Variants in TMPRSS7 observed in about 807,000 individuals in gnomAD.
TMPRSS7 encodes the protein transmembrane protease serine 7.
TMPRSS7 carries 81 observed loss-of-function variants against 95.6 expected under a neutral mutation model. The observed-to-expected ratio is 0.85, with a 90% CI of 0.71 to 1.02. The LOEUF is 1.02. TMPRSS7 is among the 50% of genes least tolerant of loss of function. TMPRSS7 has a pLI of 0.00. For missense variants in TMPRSS7, 945 were observed against 955.2 expected, an observed-to-expected ratio of 0.99 and a Z score of 0.14; for synonymous variants, 364 against 337.8, an observed-to-expected ratio of 1.08 and a Z score of -0.85.
At chr3:112,050,085 T>C in intron 8 of TMPRSS7, 111 bp downstream of exon 8, 1 of 1,096,620 alleles carries the variant, frequency 9.1e-7, no homozygotes, top group Non-Finnish European at 1.2e-6. Flanking sequence ...AGTCTGGGAC[T>C]CTGAATAAAG....
At chr3:112,046,049 C>A (rs562996735) in intron 5 of TMPRSS7, 106 bp downstream of exon 5, 2 of 990,952 alleles carry the variant, frequency 2.0e-6, no homozygotes, top group Admixed American at 5.9e-5. Flanking sequence ...TGGGATTACC[C>A]CACAATCCCA....
At chr3:112,059,359 G>C (rs73853296) in intron 10 of TMPRSS7, among the ~76,000 whole-genome samples, 6,489 of 152,016 alleles carry the variant, frequency 0.043, 422 homozygotes, top group African/African-American at 0.14. Flanking sequence ...TGGCTTTCTC[G>C]TGTTTCTCAG....
intron 13 of TMPRSS7, among the ~76,000 whole-genome samples, chr3:112,068,319 G>A (rs909720784): frequency 6.6e-6 from 1 of 152,126 alleles, no homozygotes; most frequent in Non-Finnish European, 1.5e-5. Context: ...CTCTTTTTTG[G>A]TTCCATATGA....
At chr3:112,068,734 G>A (rs1367669464) in intron 13 of TMPRSS7, among the ~76,000 whole-genome samples, 2 of 152,152 alleles carry the variant, frequency 1.3e-5, no homozygotes, top group Non-Finnish European at 2.9e-5. Flanking sequence ...TGAGATGATG[G>A]GGTTTTCTAA....
chr3:112,075,392 T>C, exon 15 of TMPRSS7: 2 of 1,537,708 alleles, frequency 1.3e-6, no homozygotes, highest in Non-Finnish European at 1.8e-6. Context: ...GGGTTGGCCG[T>C]GGCAGGTCAG....
intron 7 of TMPRSS7, among the ~76,000 whole-genome samples, chr3:112,049,392 G>A (rs901985948): frequency 6.6e-6 from 1 of 152,142 alleles, no homozygotes. Flanking sequence ...AAAATGCCAA[G>A]GACCTGGACA....
exon 18 of TMPRSS7, chr3:112,081,045 T>G: frequency 1.2e-6 from 2 of 1,612,528 alleles, no homozygotes; most frequent in Non-Finnish European, 1.7e-6. Context: ...TGTCAAACTT[T>G]GTTCCCTGGA....
exon 8 of TMPRSS7, chr3:112,049,917 C>G (rs1460011435): frequency 6.4e-7 from 1 of 1,568,336 alleles, no homozygotes; most frequent in African/African-American, 1.3e-5. Flanking sequence ...ATTTAAGTCT[C>G]CTCATATACG....
Position 112,063,711 on chromosome 3 carries a change from C to T in TMPRSS7, c.1555+79C>T, listed in dbSNP as rs1048865007. 5.8e-6 allele frequency: 7 copies of T among 1,205,526 alleles called. No individual in the cohort carries two copies. The African/African-American group carries it at 1.1e-4, about 18-fold the overall frequency. The allele number at this position is 1,205,526 out of a possible 1,614,324, so 74.7% of individuals were successfully genotyped here. A position where few individuals can be genotyped will look rare whatever the true frequency, so the allele number is the denominator to read the frequency against. ...ACCATGATTGCTGCTGATATATATC[C>T]TTAGTATTTGTAGTTATTATCTATT... On this transcript the variant is annotated intron_variant, in intron 12 of 17. Transcript: ENST00000452346.
At position 112,066,512 on chromosome 3, in the gene TMPRSS7, A is replaced by C; in HGVS notation, c.1666+10A>C. 6.2e-7 allele frequency: 1 copy of C among 1,610,376 alleles called. No individual in the cohort carries two copies. On this transcript the variant is annotated intron_variant, in intron 13 of 17. Transcript: ENST00000452346. ...CAAAACTGCACTCAAAGTGAGGGAG[A>C]GTCCTCTGTGCCCTGCTGTTCCTCC...
chr3:112,073,185 G>A (rs527331565), intron 13 of TMPRSS7, among the ~76,000 whole-genome samples: 72 of 150,268 alleles, frequency 4.8e-4, no homozygotes, highest in Middle Eastern at 3.5e-3. Flanking sequence ...TCCACCTCCC[G>A]GGTTCAAGCA....
intron 17 of TMPRSS7, among the ~76,000 whole-genome samples, chr3:112,079,418 T>A (rs1236886243): frequency 6.6e-6 from 1 of 152,194 alleles, no homozygotes; most frequent in Non-Finnish European, 1.5e-5. Context: ...AAATAGATGA[T>A]TTAGAGCAAA....
At chr3:112,040,874 C>T (rs1211249805) in intron 2 of TMPRSS7, among the ~76,000 whole-genome samples, 1 of 152,088 alleles carries the variant, frequency 6.6e-6, no homozygotes, top group Non-Finnish European at 1.5e-5. Flanking sequence ...GACAGAGAAA[C>T]AGGTAAACAG....
chr3:112,054,982 G>A (rs1007650957), intron 9 of TMPRSS7, among the ~76,000 whole-genome samples: 1 of 151,870 alleles, frequency 6.6e-6, no homozygotes, highest in Non-Finnish European at 1.5e-5. Flanking sequence ...GTCGTGATCC[G>A]CCCTCCTGGG....
intron 13 of TMPRSS7, among the ~76,000 whole-genome samples, chr3:112,072,734 G>A (rs547130485): frequency 2.6e-5 from 4 of 152,364 alleles, no homozygotes; most frequent in African/African-American, 9.6e-5. Flanking sequence ...AGACTGCTGC[G>A]CTAGCAGTGA....
intron 13 of TMPRSS7, among the ~76,000 whole-genome samples, chr3:112,073,952 A>G (rs2073682309): frequency 6.6e-6 from 1 of 152,204 alleles, no homozygotes; most frequent in Non-Finnish European, 1.5e-5. Flanking sequence ...TTTTTGCTCA[A>G]AAGTTTTCTT....
intron 3 of TMPRSS7, chr3:112,043,054 C>G (rs758491961): frequency 4.4e-6 from 2 of 456,002 alleles, no homozygotes; most frequent in South Asian, 3.1e-5. Flanking sequence ...TGAATGCCTG[C>G]TATATACTGG....
intron 13 of TMPRSS7, among the ~76,000 whole-genome samples, chr3:112,071,216 G>C (rs1053504348): frequency 3.9e-5 from 6 of 152,138 alleles, no homozygotes; most frequent in Non-Finnish European, 8.8e-5. Context: ...GCTTAGTTTG[G>C]CTGGATATGA....
At chr3:112,037,705 C>T (rs149228432) in intron 1 of TMPRSS7, among the ~76,000 whole-genome samples, 2,638 of 152,250 alleles carry the variant, frequency 0.017, 33 homozygotes, top group Middle Eastern at 0.048. Flanking sequence ...CATGTGATGT[C>T]TTCCCCGGAC....
Sources: gnomAD v4.1 joint callset for allele counts (sites outside exome capture counted in the v4.1 genomes callset) on GRCh38, gnomAD v4.1.1 for gene constraint, MANE v1.5 for transcripts, NCBI Gene and HGNC (gene_info 2026-07-23, HGNC 2026-07-21) for gene names.